Variants in RARB observed in about 807,000 individuals in gnomAD.
RARB encodes HBV-activated protein.
RARB carries 17 observed loss-of-function variants against 51.9 expected under a neutral mutation model. The observed-to-expected ratio is 0.33, with a 90% CI of 0.22 to 0.49. The LOEUF (loss-of-function observed/expected upper bound fraction) is 0.49. Among genes scored for constraint, RARB ranks in the 20% least tolerant of loss-of-function variants. RARB has a pLI of 0.99. For synonymous variants in RARB, 215 were observed against 195.4 expected (o/e 1.10, Z -0.84); for missense variants, 369 against 550.8 (o/e 0.67, Z 3.30).
intron 4 of RARB, among the ~76,000 whole-genome samples, chr3:25,139,851 A>G (rs1700082643): frequency 6.6e-6 from 1 of 152,208 alleles, no homozygotes; most frequent in African/African-American, 2.4e-5. Flanking sequence ...GCCAATGCTC[A>G]TTGATCATTC....
At chr3:24,841,774 TGAA>T (rs1702424325) in intron 1 of RARB, among the ~76,000 whole-genome samples, 1 of 152,212 alleles carries the variant, frequency 6.6e-6, no homozygotes, top group South Asian at 2.1e-4. Flanking sequence ...TGTATATCTA[TGAA>T]GAATAATAGA....
intron 2 of RARB, among the ~76,000 whole-genome samples, chr3:24,877,145 T>G (rs996658735): frequency 8.5e-5 from 13 of 152,186 alleles, no homozygotes; most frequent in Admixed American, 2.0e-4. Flanking sequence ...GTAATATATC[T>G]ATATATCTTT....
At chr3:24,896,605 T>C (rs1029367872) in intron 2 of RARB, among the ~76,000 whole-genome samples, 2 of 152,118 alleles carry the variant, frequency 1.3e-5, no homozygotes, top group African/African-American at 4.8e-5. Context: ...ACATGGACAG[T>C]GGTGATGGTT....
intron 3 of RARB, among the ~76,000 whole-genome samples, chr3:25,109,129 C>T (rs1317812983): frequency 2.0e-5 from 3 of 152,142 alleles, no homozygotes; most frequent in Non-Finnish European, 2.9e-5. Context: ...TGCAAATCAC[C>T]TAGTTCAGTG....
At chr3:24,876,945 A>G (rs1020012733) in intron 2 of RARB, among the ~76,000 whole-genome samples, 3 of 152,190 alleles carry the variant, frequency 2.0e-5, no homozygotes, top group African/African-American at 7.2e-5. Flanking sequence ...AAATCATTTT[A>G]TTAATGCCAG....
chr3:25,078,404 C>G (rs760526828), intron 3 of RARB, among the ~76,000 whole-genome samples: 1 of 152,066 alleles, frequency 6.6e-6, no homozygotes, highest in Non-Finnish European at 1.5e-5. Flanking sequence ...CATCAATAAT[C>G]AATTGACCAT....
chr3:25,380,202 A>G (rs1030548935), intron 5 of RARB, among the ~76,000 whole-genome samples: 5 of 152,202 alleles, frequency 3.3e-5, no homozygotes, highest in Non-Finnish European at 5.9e-5. Flanking sequence ...GTTTAATGGA[A>G]CAACCAACTC....
In RARB at chr3:25,502,374, C is replaced by G. The variant is rs1311375960; in HGVS notation, c.448+1051C>G. 2.6e-5 allele frequency among the ~76,000 whole-genome samples: 4 copies of G among 152,084 alleles called. No individual in the cohort carries two copies. In the East Asian group the frequency reaches 7.7e-4, roughly 29 times the overall value. On this transcript the variant is annotated intron_variant, in intron 3 of 7. Coordinates refer to ENST00000330688, the MANE Select transcript of RARB (RefSeq NM_000965.5). ...GAAAACTGATTGAAGAGGTAAAGCC[C>G]CTGTAGCCAACCAGAGGCATTACTC...
At chr3:24,974,922 G>A (rs943561580) in intron 2 of RARB, among the ~76,000 whole-genome samples, 4 of 152,122 alleles carry the variant, frequency 2.6e-5, no homozygotes, top group African/African-American at 7.2e-5. Flanking sequence ...TGTTATACAA[G>A]GTTGGATTGT....
intron 4 of RARB, among the ~76,000 whole-genome samples, chr3:25,153,159 T>TGTGC (rs71622801): frequency 1.1e-4 from 16 of 148,480 alleles, no homozygotes; most frequent in African/African-American, 3.7e-4. Flanking sequence ...TGTGTGTGTG[T>TGTGC]GCATGCGTGC....
chr3:25,073,614 T>C (rs1166030355), intron 3 of RARB, among the ~76,000 whole-genome samples: 1 of 152,204 alleles, frequency 6.6e-6, no homozygotes, highest in Non-Finnish European at 1.5e-5. Flanking sequence ...ACCCCCTTTC[T>C]GTGGATACTT....
chr3:24,942,507 T>C (rs994490881), intron 2 of RARB, among the ~76,000 whole-genome samples: 4 of 152,112 alleles, frequency 2.6e-5, no homozygotes, highest in Non-Finnish European at 4.4e-5. Context: ...AGTTTTAAAA[T>C]AGAGAAATCA....
chr3:25,286,627 C>T (rs1249513959), intron 5 of RARB, among the ~76,000 whole-genome samples: 1 of 152,182 alleles, frequency 6.6e-6, no homozygotes, highest in African/African-American at 2.4e-5. Context: ...CCATTCAGGC[C>T]CTTTGGAGGA....
chr3:25,292,104 T>A (rs1703801901), intron 5 of RARB, among the ~76,000 whole-genome samples: 1 of 152,030 alleles, frequency 6.6e-6, no homozygotes, highest in Non-Finnish European at 1.5e-5. Context: ...TCCCCATCCT[T>A]TTCTTGAAGA....
intron 5 of RARB, among the ~76,000 whole-genome samples, chr3:25,213,397 T>C (rs1364516528): frequency 1.3e-5 from 2 of 152,198 alleles, no homozygotes; most frequent in African/African-American, 4.8e-5. Flanking sequence ...GTAGCTATGG[T>C]CGGTTCTTTT....
chr3:24,900,062 G>A (rs144273827), intron 2 of RARB, among the ~76,000 whole-genome samples: 141 of 152,316 alleles, frequency 9.3e-4, no homozygotes, highest in African/African-American at 2.9e-3. Flanking sequence ...GATGTTATAA[G>A]TGTCATGTAC....
intron 3 of RARB, among the ~76,000 whole-genome samples, chr3:25,507,016 C>T (rs555349448): frequency 6.6e-6 from 1 of 152,366 alleles, no homozygotes; most frequent in East Asian, 1.9e-4. Flanking sequence ...TCCCCTAAGC[C>T]TCATTCCACA....
At chr3:25,025,412 T>C (rs1338783385) in intron 2 of RARB, among the ~76,000 whole-genome samples, 1 of 152,194 alleles carries the variant, frequency 6.6e-6, no homozygotes, top group Admixed American at 6.5e-5. Flanking sequence ...TATAGACTTG[T>C]GCCAAGCCCT....
At chr3:25,093,754 C>A (rs1310436255) in intron 3 of RARB, among the ~76,000 whole-genome samples, 1 of 152,030 alleles carries the variant, frequency 6.6e-6, no homozygotes, top group South Asian at 2.1e-4. Context: ...GGACTGCAGA[C>A]CACTCCTGTG....
Sources: allele counts gnomAD v4.1 joint callset (sites outside exome capture counted in the v4.1 genomes callset), GRCh38; gene constraint gnomAD v4.1.1; transcripts MANE v1.5; gene names NCBI Gene and HGNC (gene_info 2026-07-23, HGNC 2026-07-21).